The following GOLGA6L2 variants were observed in gnomAD, a reference collection of about 807,000 sequenced individuals.
GOLGA6L2 encodes golgin A6 family like 2, also known as golgin subfamily A member 6-like protein 2.
Under a neutral mutation model 35.9 loss-of-function variants are expected in GOLGA6L2, and 30 were observed. The observed-to-expected ratio is 0.83, with a 90% CI of 0.62 to 1.13. The LOEUF (loss-of-function observed/expected upper bound fraction) is 1.13, where lower values mean the gene tolerates loss of function less well. GOLGA6L2 is among the 50% of genes most tolerant of loss of function. The pLI, the probability that GOLGA6L2 is intolerant of heterozygous loss-of-function variation, is 0.00. For synonymous variants in GOLGA6L2, 297 were observed against 344.0 expected, an observed-to-expected ratio of 0.86 and a Z score of 1.51; for missense variants, 821 against 973.4, an observed-to-expected ratio of 0.84 and a Z score of 2.08.
chr15:23,443,791 T>C lies in GOLGA6L2; in HGVS notation c.577A>G (p.Lys193Glu), dbSNP rs755774935. 52 of 1,538,242 alleles carry C rather than the reference T, an allele frequency of 3.4e-5. No homozygotes were observed. In the East Asian group the frequency reaches 1.2e-3, roughly 35 times the overall value. ...RALSAVSTWH[K>E]KADRYIEELT... ...ATTGGACTTACCCTGTCTGCCTTCTTGTGCCATGTGGACACAGCAGAGAGA... is the reference window on the plus strand; with the variant it reads ...ATTGGACTTACCCTGTCTGCCTTCTCGTGCCATGTGGACACAGCAGAGAGA... The change falls in exon 5 of 8, where the codon AAG becomes GAG. Residue 193 changes from lysine (K) to glutamate (E), a missense_variant. By Grantham distance (56) the Lys-to-Glu change is moderately conservative. Coordinates refer to ENST00000567107, the MANE Select transcript of GOLGA6L2 (RefSeq NM_001304388.2).
At chr15:23,441,845 T>G in intron 7 of GOLGA6L2, 134 bp downstream of exon 7, 1 of 1,367,856 alleles carries the variant, frequency 7.3e-7, no homozygotes, top group South Asian at 1.5e-5. Context: ...CTCTAGAGGA[T>G]TCTATGGTGG....
rs1262838159 is a variant in GOLGA6L2, at chr15:23,441,487, G to A, written c.988C>T (p.Leu330=). ...EKRLREQEKE[L]REQEKELREQ... ...CGCAGCTCCTTCTCCTGCTCCCGCA[G>A]CTCCTTCTCCTGCTCTCGCAGCCTC... Residue 330 remains leucine, a synonymous_variant, in exon 8 of 8, where the codon CTG becomes TTG. Transcript: ENST00000567107. The A allele has an allele frequency of 7.2e-7, 1 of 1,395,714 alleles. No individual in the cohort carries two copies. The highest frequency in any genetic ancestry group is 1.5e-5 in the African/African-American group (1 of 67,122). The allele number at this position is 1,395,714 out of a possible 1,614,324, so 86.5% of individuals were successfully genotyped here. A position where few individuals can be genotyped will look rare whatever the true frequency, so the allele number is the denominator to read the frequency against.
Position 23,447,114 on chromosome 15 carries a change from G to A in GOLGA6L2, c.68C>T (p.Ala23Val). The A allele has an allele frequency of 6.6e-7, 1 of 1,514,098 alleles. No homozygotes were observed. The highest frequency in any genetic ancestry group is 1.1e-5 in the South Asian group (1 of 87,992). 93.8% of individuals were successfully genotyped at this position (1,514,098 alleles called of 1,614,324 possible). ...GAGTTTTACCTTTTTCTTGGCCTCA[G>A]CCAATTTGTTCTGTCTGGTTTTTTC... ...MSEKTRQNKLAEAKKKFTDYR... is the reference protein window; with the variant it reads ...MSEKTRQNKLVEAKKKFTDYR... Residue 23 changes from alanine (A) to valine (V), a missense_variant, in exon 1 of 8, where the codon GCT (alanine) becomes GTT (valine). Transcript: ENST00000567107.
Position 23,442,039 on chromosome 15 carries a change from G to A in GOLGA6L2, c.732C>T (p.Ile244=), listed in dbSNP as rs1291614593. ...LRLAESEKSE[I]QLNVKELKRK... is the part of the protein sequence containing the mutation. The stretch of plus-strand genomic sequence containing the variant: ...TTTTTAGCTCCTTCACGTTGAGCTG[G>A]ATCTCAGACTTTTCAGATTCTGCAA... Residue 244 remains isoleucine, a synonymous_variant, in exon 7 of 8, where the codon ATC becomes ATT. Coordinates refer to ENST00000567107, the MANE Select transcript of GOLGA6L2 (RefSeq NM_001304388.2). 1 of 1,544,858 alleles carries A rather than the reference G, an allele frequency of 6.5e-7. No individual in the cohort carries two copies. Among genetic ancestry groups the A allele is most frequent in the African/African-American group, 1.4e-5 (1 of 73,506 alleles).
Position 23,441,248 on chromosome 15 carries a change from C to T in GOLGA6L2, c.1227G>A (p.Lys409=). 2 of 1,539,748 alleles carry T rather than the reference C, an allele frequency of 1.3e-6. No individual in the cohort carries two copies. Among genetic ancestry groups the T allele is most frequent in the Non-Finnish European group, 1.7e-6 (2 of 1,146,668 alleles). ...TCTCCTGCTCCCGCATCCTCTCCTC[C>T]TTCTCCCGTAGCCTCTCGTCCTGCT... ...MWEQDERLRE[K]EERMREQEKM... Residue 409 remains lysine, a synonymous_variant, in exon 8 of 8, where the codon AAG becomes AAA. Coordinates refer to ENST00000567107, the MANE Select transcript of GOLGA6L2 (RefSeq NM_001304388.2).
In GOLGA6L2 at chr15:23,439,263, C is replaced by T. The variant is rs1475724244; in HGVS notation, c.*482G>A. On this transcript the variant is annotated 3_prime_UTR_variant, in exon 8 of 8. Coordinates refer to ENST00000567107, the MANE Select transcript of GOLGA6L2 (RefSeq NM_001304388.2). ...GAGTAGCTGTGATTACAGGCGTGCA[C>T]AACCACGCCCGGCTAACTTGTATTT... is the stretch of plus-strand genomic sequence containing the variant. Among the ~76,000 whole-genome samples, 2 of 150,656 alleles carry T rather than the reference C, an allele frequency of 1.3e-5. No homozygotes were observed. The highest frequency in any genetic ancestry group is 2.9e-5 in the Non-Finnish European group (2 of 67,874).
chr15:23,439,451 T>C lies in GOLGA6L2; in HGVS notation c.*294A>G, dbSNP rs1178380729. On this transcript the variant is annotated 3_prime_UTR_variant, in exon 8 of 8. Transcript: ENST00000567107. ...ATTTAAAGTAAATTTTCTTTTCTTTTTTTTTTTTTTTTTCAAGTTTGTGCT... is the reference window on the plus strand; with the variant it reads ...ATTTAAAGTAAATTTTCTTTTCTTTCTTTTTTTTTTTTTCAAGTTTGTGCT... The C allele has an allele frequency of 4.6e-6, 3 of 653,208 alleles. No individual in the cohort carries two copies. The highest frequency in any genetic ancestry group is 6.9e-6 in the Non-Finnish European group (3 of 436,102). The allele number at this position is 653,208 out of a possible 1,614,324, so 40.5% of individuals were successfully genotyped here. A position where few individuals can be genotyped will look rare whatever the true frequency, so the allele number is the denominator to read the frequency against.
intron 3 of GOLGA6L2, 37 bp from the exon 4 acceptor site, chr15:23,444,249 A>T: frequency 6.3e-7 from 1 of 1,592,998 alleles, no homozygotes; most frequent in African/African-American, 1.3e-5. Context: ...TACTAGGGGG[A>T]GGCAGAGATC....
rs890421846 is a variant in GOLGA6L2, at chr15:23,441,756, T to C, written c.793-74A>G. ...AAATAACAGTTTTCATCTATGATTC[T>C]TTAAAAAAAATTTTTAAGCCTTAAC... is the stretch of plus-strand genomic sequence containing the variant. On this transcript the variant is annotated intron_variant, in intron 7 of 7. Coordinates refer to ENST00000567107, the MANE Select transcript of GOLGA6L2 (RefSeq NM_001304388.2). 4.1e-5 allele frequency: 58 copies of C among 1,420,810 alleles called. No homozygotes were observed. In the African/African-American group the frequency reaches 5.2e-4, roughly 13 times the overall value. The allele number at this position is 1,420,810 out of a possible 1,614,324, so 88.0% of individuals were successfully genotyped here.
rs1458792678 is a variant in GOLGA6L2, at chr15:23,447,153, T to C, written c.29A>G (p.His10Arg). The change falls in exon 1 of 8, where the codon CAC becomes CGC. Residue 10 changes from histidine to arginine, a missense_variant. Coordinates refer to ENST00000567107, the MANE Select transcript of GOLGA6L2 (RefSeq NM_001304388.2). ...TCTGGTTTTTTCTGACATCATGGGG[T>C]GGGGAGGGAGGTGGGGTTGGGGCCA... MWPQPHLPP[H>R]PMMSEKTRQN... 9.1e-7 allele frequency: 1 copy of C among 1,097,028 alleles called. No individual in the cohort carries two copies. The allele number at this position is 1,097,028 out of a possible 1,614,324, so 68.0% of individuals were successfully genotyped here.
At position 23,441,025 on chromosome 15, in the gene GOLGA6L2, C is replaced by T. The variant is rs754632267; in HGVS notation, c.1450G>A (p.Glu484Lys). 89 of 1,536,004 alleles carry T rather than the reference C, an allele frequency of 5.8e-5. 2 individuals are homozygous for T. In the East Asian group the frequency reaches 1.9e-3, roughly 33 times the overall value. ...QKQEENMWEQEEKEWQQQRLP... is the reference protein window; with the variant it reads ...QKQEENMWEQKEKEWQQQRLP... ...CTCTGCTGCTGCCACTCCTTCTCTT[C>T]CTGCTCCCACATATTCTCCTCCTGC... The change falls in exon 8 of 8, where the codon GAA becomes AAA. Residue 484 changes from glutamate (E) to lysine (K), a missense_variant. Around this residue, in one of 7 missense-constraint regions of GOLGA6L2, gnomAD observed 614 missense variants for 632.3 expected, o/e 0.97. Coordinates refer to ENST00000567107, the MANE Select transcript of GOLGA6L2 (RefSeq NM_001304388.2).
rs1667361496 is a variant in GOLGA6L2 at position 23,439,176 on chromosome 15, A to T, written c.*569T>A. ...AACTTTTTTTTTTTTTTTGAGATGG[A>T]ATCTCGCTCTGTCATCCAGGCTGGA... On this transcript the variant is annotated 3_prime_UTR_variant, in exon 8 of 8. Coordinates refer to ENST00000567107, the MANE Select transcript of GOLGA6L2 (RefSeq NM_001304388.2). Among the ~76,000 whole-genome samples the T allele has an allele frequency of 3.6e-5, 2 of 56,268 alleles. No individual in the cohort carries two copies. The highest frequency in any genetic ancestry group is 5.8e-5 in the Non-Finnish European group (1 of 17,376). 36.9% of individuals were successfully genotyped at this position (56,268 alleles called of 152,430 possible).
intron 2 of GOLGA6L2, 80 bp from the exon 3 acceptor site, chr15:23,444,580 G>A: frequency 7.5e-7 from 1 of 1,326,052 alleles, no homozygotes; most frequent in Non-Finnish European, 1.1e-6. Context: ...GTACGCAGGG[G>A]TCAGGAATGG....
Position 23,443,924 on chromosome 15 carries a change from C to T in GOLGA6L2, c.444G>A (p.Arg148=). ...TTGAGACACAGCCCAAAGGACTCCC[C>T]CTAAAGGCCTGTGAAAGTGCCAGGT... ...SFNLALSQAF[R]GSPLGCVSTS... is the part of the protein sequence containing the mutation. The change falls in exon 5 of 8, where the codon AGG becomes AGA. Residue 148 remains arginine, a synonymous_variant. Transcript: ENST00000567107. 1.3e-6 allele frequency: 2 copies of T among 1,552,500 alleles called. No homozygotes were observed. Among genetic ancestry groups the T allele is most frequent in the Non-Finnish European group, 1.7e-6 (2 of 1,155,562 alleles).
chr15:23,443,265 C>A (rs1386840052), intron 5 of GOLGA6L2, among the ~76,000 whole-genome samples: 4 of 152,086 alleles, frequency 2.6e-5, no homozygotes, highest in African/African-American at 9.6e-5. Flanking sequence ...TGGCATAGTC[C>A]AAAACTCAGA....
chr15:23,446,868 C>T (rs1317381549), intron 1 of GOLGA6L2, among the ~76,000 whole-genome samples: 1 of 151,988 alleles, frequency 6.6e-6, no homozygotes, highest in East Asian at 1.9e-4. Context: ...GAGTGGAGAG[C>T]CCCAGGGTTC....
At position 23,440,411 on chromosome 15, in the gene GOLGA6L2, A is replaced by T; in HGVS notation, c.2064T>A (p.Asp688Glu). The T allele has an allele frequency of 2.6e-6, 3 of 1,142,028 alleles. No individual in the cohort carries two copies. Among genetic ancestry groups the T allele is most frequent in the Non-Finnish European group, 2.5e-6 (2 of 784,768 alleles). The allele number at this position is 1,142,028 out of a possible 1,614,324, so 70.7% of individuals were successfully genotyped here. A position where few individuals can be genotyped will look rare whatever the true frequency, so the allele number is the denominator to read the frequency against. The change falls in exon 8 of 8, where the codon GAT (aspartate) becomes GAA (glutamate). Residue 688 changes from aspartate (D) to glutamate (E), a missense_variant. Asp to Glu is a conservative substitution (Grantham distance 45). Coordinates refer to ENST00000567107, the MANE Select transcript of GOLGA6L2 (RefSeq NM_001304388.2). ...CACATCTTCTTCTTCCTGCTCCCAC[A>T]TCTTCTCCTCCTGCTCCCACATCTT... is the stretch of plus-strand genomic sequence containing the variant. Reference protein sequence around the residue: ...GGEDVGAGGEDVGAGRRRCGS... With the variant: ...GGEDVGAGGEEVGAGRRRCGS...
rs534040924 is a variant in GOLGA6L2 at position 23,439,374 on chromosome 15, A to G, written c.*371T>C. ...GATCCACCCCCTCTAGGTCTCCCAA[A>G]GTGCTGCGGTTGTAGGTTTCGGCCA... On this transcript the variant is annotated 3_prime_UTR_variant, in exon 8 of 8. Coordinates refer to ENST00000567107, the MANE Select transcript of GOLGA6L2 (RefSeq NM_001304388.2). The G allele has an allele frequency of 1.3e-5, 5 of 370,372 alleles. No individual in the cohort carries two copies. Among genetic ancestry groups the G allele is most frequent in the East Asian group, 6.8e-5 (1 of 14,728 alleles). The allele number at this position is 370,372 out of a possible 1,614,324, so 22.9% of individuals were successfully genotyped here. A position where few individuals can be genotyped will look rare whatever the true frequency, so the allele number is the denominator to read the frequency against.
At position 23,441,609 on chromosome 15, in the gene GOLGA6L2, C is replaced by T. The variant is rs781198730; in HGVS notation, c.866G>A (p.Arg289Gln). ...TCTCCACATCTTCTCCTCCTGCTTC[C>T]GTATCTTCTTTTCCTGCTCCCGTAG... Reference protein sequence around the residue: ...EELREQEKKIRKQEEKMWRQE... With the variant: ...EELREQEKKIQKQEEKMWRQE... Residue 289 changes from arginine (R) to glutamine (Q), a missense_variant, in exon 8 of 8, where the codon CGG becomes CAG. Physicochemically the swap from Arg to Gln is conservative, Grantham distance 43. This residue lies in a region of GOLGA6L2 where 614 missense variants were observed against 632.3 expected (regional missense o/e 0.97). Coordinates refer to ENST00000567107, the MANE Select transcript of GOLGA6L2 (RefSeq NM_001304388.2). 17 of 1,548,384 alleles carry T rather than the reference C, an allele frequency of 1.1e-5. No individual in the cohort carries two copies. Among genetic ancestry groups the T allele is most frequent in the African/African-American group, 4.1e-5 (3 of 72,938 alleles).
Sources: allele counts gnomAD v4.1 joint callset (sites outside exome capture counted in the v4.1 genomes callset), GRCh38; gene constraint gnomAD v4.1.1; regional missense constraint gnomAD v4.1.1; transcripts MANE v1.5; gene names NCBI Gene and HGNC (gene_info 2026-07-23, HGNC 2026-07-21).